The following VPS8 variants were observed in gnomAD, a reference collection of about 807,000 sequenced individuals.
The protein encoded by VPS8 is VPS8 subunit of CORVET complex, also known as vacuolar protein sorting-associated protein 8 homolog.
In VPS8, 129 loss-of-function variants were observed where a neutral mutation model predicts 216.4. The observed-to-expected ratio is 0.60, with a 90% CI of 0.52 to 0.69. The LOEUF (loss-of-function observed/expected upper bound fraction) is 0.69, where lower values mean the gene tolerates loss of function less well. Ranked by LOEUF, VPS8 falls within the 30% of genes least tolerant of loss-of-function variation. The probability of loss-of-function intolerance (pLI) is 0.00; values close to 1 mark genes in which losing one functional copy is unlikely to be tolerated. For synonymous variants in VPS8, 571 were observed against 565.4 expected (o/e 1.01, Z -0.14); for missense variants, 1,531 against 1,683.5 (o/e 0.91, Z 1.59).
At chr3:184,898,261 C>T (rs777293369) in intron 23 of VPS8, among the ~76,000 whole-genome samples, 6 of 151,726 alleles carry the variant, frequency 4.0e-5, no homozygotes, top group Non-Finnish European at 7.4e-5. Context: ...AATATGTGTT[C>T]AATAAATATT....
At position 185,043,549 on chromosome 3, in the gene VPS8, G is replaced by A. The variant is rs184469672; in HGVS notation, c.4057-4930G>A. 3.6e-3 allele frequency among the ~76,000 whole-genome samples: 550 copies of A among 152,284 alleles called. 3 individuals carry two copies. Among genetic ancestry groups the A allele is most frequent in the African/African-American group, 0.012 (492 of 41,560 alleles). On this transcript the variant is annotated intron_variant, in intron 46 of 47. Transcript: ENST00000625842. ...TTTTCTGTGATGGCAGAAGGCATTC[G>A]TGAACGCCTAGTGTGTACCCAAAAC... is the stretch of plus-strand genomic sequence containing the variant.
chr3:184,996,893 A>T (rs1752684356), intron 44 of VPS8, among the ~76,000 whole-genome samples: 2 of 152,130 alleles, frequency 1.3e-5, no homozygotes, highest in Admixed American at 1.3e-4. Flanking sequence ...GGTGTATTAG[A>T]TGTGGAGTAT....
intron 42 of VPS8, among the ~76,000 whole-genome samples, chr3:184,991,431 A>C (rs1751880222): frequency 6.6e-6 from 1 of 152,194 alleles, no homozygotes; most frequent in South Asian, 2.1e-4. Flanking sequence ...TCTATAATTT[A>C]TATGTTGTCC....
At position 184,991,578 on chromosome 3, in the gene VPS8, A is replaced by G. The variant is rs185337428; in HGVS notation, c.3586-2405A>G. 4.3e-4 allele frequency among the ~76,000 whole-genome samples: 65 copies of G among 152,264 alleles called. 1 individual carries two copies. Among genetic ancestry groups the G allele is most frequent in the Admixed American group, 1.9e-3 (29 of 15,298 alleles). On this transcript the variant is annotated intron_variant, in intron 42 of 47. Transcript: ENST00000625842. ...CCTTTTAAGACCTCTTTGTTCTCCAAACCACCCTTGTCGAAAACACATGCC... is the reference window on the plus strand; with the variant it reads ...CCTTTTAAGACCTCTTTGTTCTCCAGACCACCCTTGTCGAAAACACATGCC...
intron 40 of VPS8, among the ~76,000 whole-genome samples, chr3:184,978,619 C>T (rs555223226): frequency 7.9e-5 from 12 of 152,222 alleles, no homozygotes; most frequent in Middle Eastern, 3.4e-3. Flanking sequence ...AGGCTTGTCT[C>T]GAACTCCTGG....
At chr3:184,893,369 A>AT in intron 22 of VPS8, 1 of 1,193,702 alleles carries the variant, frequency 8.4e-7, no homozygotes, top group Non-Finnish European at 1.1e-6. Flanking sequence ...TGATATACAT[A>AT]TAAAGAAATT....
At chr3:184,868,493 A>G (rs1168698789) in intron 18 of VPS8, among the ~76,000 whole-genome samples, 1 of 152,204 alleles carries the variant, frequency 6.6e-6, no homozygotes, top group Non-Finnish European at 1.5e-5. Flanking sequence ...GCTGTCTCCT[A>G]CCTCTTAAGA....
intron 23 of VPS8, among the ~76,000 whole-genome samples, chr3:184,895,213 A>G (rs1379262698): frequency 1.3e-5 from 2 of 152,220 alleles, no homozygotes; most frequent in African/African-American, 2.4e-5. Flanking sequence ...AAGTTGCTCT[A>G]TAAATGCTTG....
intron 1 of VPS8, among the ~76,000 whole-genome samples, chr3:184,816,964 G>A (rs1217024320): frequency 1.3e-5 from 2 of 152,142 alleles, no homozygotes; most frequent in East Asian, 3.8e-4. Context: ...GAAGATAATA[G>A]ATGAAATCCT....
At chr3:184,998,479 T>TTATATATA (rs10530534) in intron 44 of VPS8, among the ~76,000 whole-genome samples, 6 of 135,016 alleles carry the variant, frequency 4.4e-5, no homozygotes, top group South Asian at 2.5e-4. Flanking sequence ...AAGAGGAAGT[T>TTATATATA]TATATATATA....
At chr3:184,939,488 G>A in intron 35 of VPS8, among the ~76,000 whole-genome samples, 1 of 150,766 alleles carries the variant, frequency 6.6e-6, no homozygotes. Context: ...TGTAGTATTT[G>A]AAGGTTTATC....
At chr3:184,914,566 AT>A (rs1247916405) in intron 26 of VPS8, among the ~76,000 whole-genome samples, 1 of 152,156 alleles carries the variant, frequency 6.6e-6, no homozygotes, top group African/African-American at 2.4e-5. Flanking sequence ...CTTTAATACC[AT>A]TCTTAGAGAC....
At chr3:184,990,927 T>A (rs1047574636) in intron 42 of VPS8, among the ~76,000 whole-genome samples, 6 of 3,900 alleles carry the variant, frequency 1.5e-3, no homozygotes, top group Non-Finnish European at 0.04. Flanking sequence ...ATTACACCGT[T>A]TTTTTTTTTT....
chr3:184,867,977 A>G (rs1727679328), intron 17 of VPS8, 47 bp from the exon 18 acceptor site: 1 of 1,597,732 alleles, frequency 6.3e-7, no homozygotes. Context: ...CTCCCAAAGA[A>G]GTCTGTTAAG....
intron 1 of VPS8, among the ~76,000 whole-genome samples, chr3:184,822,024 C>T (rs1473409090): frequency 6.6e-6 from 1 of 152,070 alleles, no homozygotes; most frequent in Non-Finnish European, 1.5e-5. Flanking sequence ...GAGCAAACAA[C>T]ACAAATGTCC....
rs1293476870 is a variant in VPS8, at chr3:184,824,546, G to C, written c.-87G>C. On this transcript the variant is annotated splice_region_variant and 5_prime_UTR_variant, in exon 2 of 48. Transcript: ENST00000625842. Reference sequence around the variant, plus strand: ...TTGTTTTTTTCTTTTTTTGAAAAGAGATAATCATTCAGGTCTTCGTGAGCT... The same window carrying C: ...TTGTTTTTTTCTTTTTTTGAAAAGACATAATCATTCAGGTCTTCGTGAGCT... 2.2e-6 allele frequency: 3 copies of C among 1,366,946 alleles called. No individual in the cohort carries two copies. Among genetic ancestry groups the C allele is most frequent in the South Asian group, 2.9e-5 (2 of 68,702 alleles). 84.7% of individuals were successfully genotyped at this position (1,366,946 alleles called of 1,614,324 possible). A position where few individuals can be genotyped will look rare whatever the true frequency, so the allele number is the denominator to read the frequency against.
At chr3:184,977,039 C>CT (rs1376854371) in intron 40 of VPS8, among the ~76,000 whole-genome samples, 1 of 152,146 alleles carries the variant, frequency 6.6e-6, no homozygotes, top group African/African-American at 2.4e-5. Context: ...AATCTCCAAA[C>CT]TGCTTTCCAC....
chr3:184,985,657 G>A (rs1375524538), intron 42 of VPS8, among the ~76,000 whole-genome samples: 3 of 152,156 alleles, frequency 2.0e-5, no homozygotes, highest in Non-Finnish European at 4.4e-5. Flanking sequence ...ATTGACTCGG[G>A]GTGAGCAAAT....
intron 45 of VPS8, among the ~76,000 whole-genome samples, chr3:185,014,805 G>T (rs1755560090): frequency 6.6e-6 from 1 of 152,282 alleles, no homozygotes; most frequent in Middle Eastern, 3.4e-3. Context: ...AATATTCCAT[G>T]TAGAGAAAAA....
Sources: gnomAD v4.1 joint callset for allele counts (sites outside exome capture counted in the v4.1 genomes callset) on GRCh38, gnomAD v4.1.1 for gene constraint, MANE v1.5 for transcripts, NCBI Gene and HGNC (gene_info 2026-07-23, HGNC 2026-07-21) for gene names.